TTC21B: variants seen among roughly 807,000 people sequenced by gnomAD.
TTC21B encodes tetratricopeptide repeat domain 21B, also known as tetratricopeptide repeat protein 21B.
A neutral mutation model predicts 175.1 loss-of-function variants in TTC21B; 127 were observed. That is an observed-to-expected ratio of 0.73 (90% confidence interval 0.63 to 0.84). The LOEUF (loss-of-function observed/expected upper bound fraction) is 0.84. Ranked by LOEUF, TTC21B falls within the 40% of genes least tolerant of loss-of-function variation. TTC21B has a pLI of 0.00. For synonymous variants in TTC21B, 524 were observed against 524.5 expected (o/e 1.00, Z 0.01); for missense variants, 1,561 against 1,558.3 (o/e 1.00, Z -0.03).
chr2:165,910,533 T>C (rs1685895089), intron 18 of TTC21B, among the ~76,000 whole-genome samples: 1 of 152,176 alleles, frequency 6.6e-6, no homozygotes, highest in Non-Finnish European at 1.5e-5. Flanking sequence ...TATGCAAATG[T>C]ACACTAAGGA....
At chr2:165,909,719 T>C (rs772212709) in intron 18 of TTC21B, among the ~76,000 whole-genome samples, 3 of 152,184 alleles carry the variant, frequency 2.0e-5, no homozygotes, top group African/African-American at 4.8e-5. Context: ...AAGGACTTTA[T>C]CTCAGTACTG....
At chr2:165,879,947 T>G (rs1430770132) in intron 27 of TTC21B, 2 of 152,222 alleles carry the variant, frequency 1.3e-5, no homozygotes, top group Non-Finnish European at 2.9e-5. Context: ...GACTGAAGAT[T>G]GCAATTTAAA....
In TTC21B at chr2:165,935,385, A is replaced by G. The variant is rs191410795; in HGVS notation, c.711-2328T>C. Reference sequence around the variant, plus strand: ...GGTATGTGTGTATGCATGTGTGTACAGTGCACTATACTGAACAGTGAAAAA... The same window carrying G: ...GGTATGTGTGTATGCATGTGTGTACGGTGCACTATACTGAACAGTGAAAAA... On this transcript the variant is annotated intron_variant, in intron 6 of 28. Coordinates refer to ENST00000243344, the MANE Select transcript of TTC21B (RefSeq NM_024753.5). Among the ~76,000 whole-genome samples, 1,117 of 151,618 alleles carry G rather than the reference A, an allele frequency of 7.4e-3. 14 individuals are homozygous for G. Among genetic ancestry groups the G allele is most frequent in the African/African-American group, 0.026 (1,061 of 40,904 alleles).
intron 19 of TTC21B, among the ~76,000 whole-genome samples, chr2:165,902,340 T>G (rs527860259): frequency 6.6e-6 from 1 of 152,270 alleles, no homozygotes; most frequent in African/African-American, 2.4e-5. Flanking sequence ...AACTCACACG[T>G]TTTAGGTCTT....
chr2:165,882,608 A>G (rs552904937), intron 26 of TTC21B, among the ~76,000 whole-genome samples: 7 of 152,076 alleles, frequency 4.6e-5, no homozygotes, highest in Non-Finnish European at 1.0e-4. Context: ...CGTCTTGTAC[A>G]TTTCCTGCCC....
intron 6 of TTC21B, among the ~76,000 whole-genome samples, chr2:165,940,757 T>G (rs774921254): frequency 7.2e-5 from 11 of 152,168 alleles, no homozygotes; most frequent in Non-Finnish European, 1.6e-4. Context: ...TAGTATATGG[T>G]TCCTTTCACT....
rs1687347878 is a variant in TTC21B at position 165,941,045 on chromosome 2, G to C, written c.692C>G (p.Thr231Arg). ...LQLALQDWDQ[T>R]VETAQRLLLQ... ...ACTTAACCTTTGTGCTGTCTCAACT[G>C]TCTGGTCCCAATCCTGCAAGGCTAG... Residue 231 changes from threonine (T) to arginine (R), a missense_variant, in exon 6 of 29, where the codon ACA becomes AGA. Thr to Arg is a moderately conservative substitution (Grantham distance 71). Transcript: ENST00000243344. 1 of 1,613,750 alleles carries C rather than the reference G, an allele frequency of 6.2e-7. No homozygotes were observed. The highest frequency in any genetic ancestry group is 1.3e-5 in the African/African-American group (1 of 74,910).
chr2:165,919,480 T>C (rs1686307934), intron 12 of TTC21B, 47 bp from the exon 13 acceptor site: 1 of 1,592,710 alleles, frequency 6.3e-7, no homozygotes. Context: ...GATTAAGAAA[T>C]GGAGATCTGA....
At chr2:165,940,757 T>C (rs774921254) in intron 6 of TTC21B, among the ~76,000 whole-genome samples, 3 of 152,168 alleles carry the variant, frequency 2.0e-5, no homozygotes, top group Non-Finnish European at 4.4e-5. Flanking sequence ...TAGTATATGG[T>C]TCCTTTCACT....
rs1444077290 is a variant in TTC21B at position 165,924,651 on chromosome 2, G to C, written c.1414C>G (p.Pro472Ala). Residue 472 changes from proline to alanine, a missense_variant, in exon 12 of 29, where the codon CCA (proline) becomes GCA (alanine). Pro to Ala is a conservative substitution (Grantham distance 27). Transcript: ENST00000243344. ...QPASPGQPLC[P>A]LLRRCISVLE... ...ACTGAGATGCAACGCCTGAGAAGTG[G>C]ACAAAGAGGTTGCCCAGGACTTGCA... The C allele has an allele frequency of 6.2e-7, 1 of 1,613,616 alleles. No individual in the cohort carries two copies. The highest frequency in any genetic ancestry group is 1.1e-5 in the South Asian group (1 of 91,036).
intron 27 of TTC21B, chr2:165,879,978 G>A (rs997276029): frequency 3.9e-5 from 6 of 152,784 alleles, no homozygotes; most frequent in Admixed American, 2.6e-4. Context: ...CTGTAAGAGG[G>A]AGGCATTCTG....
At chr2:165,927,119 G>GTT (rs1553513532) in intron 11 of TTC21B, among the ~76,000 whole-genome samples, 677 of 9,520 alleles carry the variant, frequency 0.071, 223 homozygotes, top group South Asian at 0.17. Context: ...TATCCTAGTA[G>GTT]ATATATATAT....
At position 165,907,667 on chromosome 2, in the gene TTC21B, A is replaced by G. The variant is rs2105313535; in HGVS notation, c.2568+11T>C. ...TACCTCATGACCACACTCACAGACAAATGTGTTTACCTGTTGTAATGCAGT... is the reference window on the plus strand; with the variant it reads ...TACCTCATGACCACACTCACAGACAGATGTGTTTACCTGTTGTAATGCAGT... On this transcript the variant is annotated intron_variant, in intron 19 of 28. Transcript: ENST00000243344. 9.5e-6 allele frequency: 15 copies of G among 1,576,170 alleles called. No individual in the cohort carries two copies. Among genetic ancestry groups the G allele is most frequent in the Non-Finnish European group, 1.2e-5 (14 of 1,147,296 alleles).
intron 12 of TTC21B, among the ~76,000 whole-genome samples, chr2:165,920,818 A>AAATATTTTAAATATTTAAAATATTTT (rs1686375485): frequency 1.4e-5 from 1 of 73,648 alleles, no homozygotes; most frequent in African/African-American, 4.0e-5. Context: ...TTTAAAAATG[A>AAATATTTTAAATATTTAAAATATTTT]GAAGTGGGTC....
At chr2:165,897,466 G>A (rs1685409547) in intron 22 of TTC21B, among the ~76,000 whole-genome samples, 1 of 152,216 alleles carries the variant, frequency 6.6e-6, no homozygotes, top group South Asian at 2.1e-4. Flanking sequence ...ACAACAGTGA[G>A]CAGTGATGCC....
intron 11 of TTC21B, among the ~76,000 whole-genome samples, chr2:165,925,891 T>C (rs1686608434): frequency 6.6e-6 from 1 of 152,146 alleles, no homozygotes; most frequent in Non-Finnish European, 1.5e-5. Context: ...AAAGTGTAAG[T>C]GATGGTGAGG....
At chr2:165,912,108 T>C (rs929147605) in intron 17 of TTC21B, among the ~76,000 whole-genome samples, 1 of 152,036 alleles carries the variant, frequency 6.6e-6, no homozygotes, top group Non-Finnish European at 1.5e-5. Flanking sequence ...TTACCAGGAA[T>C]AGGGCAAGAA....
Position 165,943,206 on chromosome 2 carries a change from A to T in TTC21B, c.552+13T>A. 3 of 1,613,252 alleles carry T rather than the reference A, an allele frequency of 1.9e-6. No homozygotes were observed. In the South Asian group the frequency reaches 3.3e-5, roughly 18 times the overall value. ...TTTTGAAACATGATTTATTTACCCTAACTCCAACTCACCTTACCCAGCAGA... is the reference window on the plus strand; with the variant it reads ...TTTTGAAACATGATTTATTTACCCTTACTCCAACTCACCTTACCCAGCAGA... On this transcript the variant is annotated intron_variant, in intron 5 of 28. Transcript: ENST00000243344.
intron 8 of TTC21B, 92 bp downstream of exon 8, chr2:165,931,666 G>A (rs1686911563): frequency 2.9e-6 from 3 of 1,030,558 alleles, no homozygotes; most frequent in Admixed American, 3.6e-5. Context: ...TGCACTCTAG[G>A]CCATATGCTC....
Sources: allele counts gnomAD v4.1 joint callset (sites outside exome capture counted in the v4.1 genomes callset), GRCh38; gene constraint gnomAD v4.1.1; transcripts MANE v1.5; gene names NCBI Gene and HGNC (gene_info 2026-07-23, HGNC 2026-07-21).